NXN: variants seen among roughly 807,000 people sequenced by gnomAD.
NXN encodes nucleoredoxin.
NXN carries 16 observed loss-of-function variants against 48.6 expected under a neutral mutation model. That is an observed-to-expected ratio of 0.33 (90% CI 0.22 to 0.50). NXN has a LOEUF of 0.50. Ranked by LOEUF, NXN falls within the 20% of genes least tolerant of loss-of-function variation. The pLI is 0.98. For missense variants in NXN, 492 were observed against 605.5 expected (o/e 0.81, Z 1.97); for synonymous variants, 281 against 269.6 (o/e 1.04, Z -0.41).
At chr17:818,349 G>A (rs1374942821) in intron 5 of NXN, among the ~76,000 whole-genome samples, 1 of 151,902 alleles carries the variant, frequency 6.6e-6, no homozygotes, top group African/African-American at 2.4e-5. Context: ...TTTTCTCACC[G>A]AGAAGGTGAT....
intron 1 of NXN, among the ~76,000 whole-genome samples, chr17:867,703 A>G (rs920197829): frequency 4.6e-5 from 7 of 152,108 alleles, no homozygotes; most frequent in African/African-American, 1.7e-4. Flanking sequence ...AGGCAGGTGG[A>G]ACACCTGAGG....
At chr17:951,174 T>A (rs1346425959) in intron 1 of NXN, among the ~76,000 whole-genome samples, 2 of 67,516 alleles carry the variant, frequency 3.0e-5, no homozygotes, top group Non-Finnish European at 5.3e-5. Flanking sequence ...CTGTCTCTAC[T>A]TAAAAAAAAA....
chr17:916,123 TG>T (rs1156847917), intron 1 of NXN, among the ~76,000 whole-genome samples: 1 of 152,244 alleles, frequency 6.6e-6, no homozygotes, highest in East Asian at 1.9e-4. Flanking sequence ...GTATTTGAAT[TG>T]CTTCCAAGGA....
At chr17:872,812 G>C (rs1359219604) in intron 1 of NXN, among the ~76,000 whole-genome samples, 1 of 151,804 alleles carries the variant, frequency 6.6e-6, no homozygotes, top group Admixed American at 6.6e-5. Flanking sequence ...GTAGAGACGG[G>C]TTTTTGCCAT....
rs756828096 is a variant in NXN at position 805,231 on chromosome 17, G to C, written c.837C>G (p.Ile279Met). ...TCACCTCGCCCTGCGGGTCCAGCAT[G>C]ATGAGCGTGGGGATGCCTGCAGGGA... The part of the protein sequence containing the change: ...LYGIQGIPTL[I>M]MLDPQGEVIT... Residue 279 changes from isoleucine (I) to methionine (M), a missense_variant, in exon 6 of 8, where the codon ATC (isoleucine) becomes ATG (methionine). Coordinates refer to ENST00000336868, the MANE Select transcript of NXN (RefSeq NM_022463.5). The C allele has an allele frequency of 3.1e-6, 5 of 1,611,238 alleles. No homozygotes were observed. Among genetic ancestry groups the C allele is most frequent in the Non-Finnish European group, 3.4e-6 (4 of 1,179,260 alleles).
At chr17:906,395 A>G (rs972364962) in intron 1 of NXN, among the ~76,000 whole-genome samples, 8 of 152,240 alleles carry the variant, frequency 5.3e-5, no homozygotes, top group South Asian at 2.1e-4. Flanking sequence ...TGTAGTTCCC[A>G]CCTGCCCGTT....
At chr17:851,784 G>A (rs914165147) in intron 1 of NXN, among the ~76,000 whole-genome samples, 2 of 152,322 alleles carry the variant, frequency 1.3e-5, no homozygotes, top group African/African-American at 2.4e-5. Context: ...AGCACCACTC[G>A]CCATAAATAG....
intron 5 of NXN, among the ~76,000 whole-genome samples, chr17:812,621 GGTGAGTGTAGGTGTGTGTGA>G: frequency 6.7e-6 from 1 of 149,144 alleles, no homozygotes; most frequent in Middle Eastern, 3.4e-3. Context: ...TGTGAGTGTA[GGTGAGTGTAGGTGTGTGTGA>G]GTGTGCATGT....
intron 1 of NXN, among the ~76,000 whole-genome samples, chr17:926,639 G>A (rs995791812): frequency 5.3e-5 from 8 of 150,934 alleles, no homozygotes; most frequent in South Asian, 4.2e-4. Context: ...TCTGCTTCCC[G>A]GGCTAAAACC....
intron 1 of NXN, among the ~76,000 whole-genome samples, chr17:897,686 C>CTT (rs34600233): frequency 6.6e-6 from 1 of 151,658 alleles, no homozygotes; most frequent in Non-Finnish European, 1.5e-5. Flanking sequence ...TTCTTTTATT[C>CTT]TTTTTTCGAG....
chr17:822,776 A>G (rs118059078), intron 3 of NXN, among the ~76,000 whole-genome samples: 5,140 of 152,282 alleles, frequency 0.034, 124 homozygotes, highest in Non-Finnish European at 0.053. Context: ...GTGTGTGAGC[A>G]GGTAGCATGA....
intron 1 of NXN, among the ~76,000 whole-genome samples, chr17:957,006 C>A (rs2069178288): frequency 6.6e-6 from 1 of 152,146 alleles, no homozygotes; most frequent in Non-Finnish European, 1.5e-5. Context: ...GCCTTATCTC[C>A]CCAGCTTAAT....
At position 830,739 on chromosome 17, in the gene NXN, G is replaced by A. The variant is rs867583645; in HGVS notation, c.361-4661C>T. On this transcript the variant is annotated intron_variant, in intron 1 of 7. Coordinates refer to ENST00000336868, the MANE Select transcript of NXN (RefSeq NM_022463.5). This position sits in a 1 kb window ranked among gnomAD's most constrained non-coding sequence, Gnocchi z 4.2. Reference sequence around the variant, plus strand: ...TTTGGGGCCGGGCACGATGGCTCACGCCTGTAATCCCAGCAGTTTGGGAGG... The same window carrying A: ...TTTGGGGCCGGGCACGATGGCTCACACCTGTAATCCCAGCAGTTTGGGAGG... 5.9e-5 allele frequency among the ~76,000 whole-genome samples: 9 copies of A among 152,158 alleles called. No individual in the cohort carries two copies. Among genetic ancestry groups the A allele is most frequent in the Admixed American group, 5.2e-4 (8 of 15,270 alleles).
intron 5 of NXN, among the ~76,000 whole-genome samples, chr17:810,126 T>C (rs1202007835): frequency 2.4e-5 from 2 of 82,132 alleles, no homozygotes; most frequent in East Asian, 8.0e-4. Context: ...TCCGTGTGAG[T>C]GGCGTGCACG....
At chr17:806,557 C>T (rs12950366) in intron 5 of NXN, among the ~76,000 whole-genome samples, 19,262 of 151,986 alleles carry the variant, frequency 0.13, 1,674 homozygotes, top group African/African-American at 0.25. Context: ...TGTCTCTCCA[C>T]TGGCAGCCGC....
At chr17:820,058 T>C (rs1425285940) in intron 4 of NXN, among the ~76,000 whole-genome samples, 2 of 152,134 alleles carry the variant, frequency 1.3e-5, no homozygotes, top group Non-Finnish European at 2.9e-5. Context: ...GACAGACCCA[T>C]GTGGGGCTGG....
At chr17:805,736 G>A (rs1272507627) in intron 5 of NXN, among the ~76,000 whole-genome samples, 1 of 152,166 alleles carries the variant, frequency 6.6e-6, no homozygotes, top group East Asian at 1.9e-4. Flanking sequence ...TACTCGGGAG[G>A]CTGAGGCAGG....
intron 1 of NXN, chr17:864,072 C>T (rs1220869101): frequency 1.4e-6 from 2 of 1,477,556 alleles, no homozygotes; most frequent in Admixed American, 4.3e-5. Context: ...GGTGAAGGGG[C>T]ACAGTTACCG....
intron 5 of NXN, among the ~76,000 whole-genome samples, chr17:814,591 A>G (rs1222396975): frequency 6.6e-6 from 1 of 152,218 alleles, no homozygotes; most frequent in Admixed American, 6.5e-5. Flanking sequence ...GTGTTCGTGA[A>G]GACGTCATCA....
Sources: allele counts gnomAD v4.1 joint callset (sites outside exome capture counted in the v4.1 genomes callset), GRCh38; gene constraint gnomAD v4.1.1; non-coding constraint Gnocchi (gnomAD v3.1); transcripts MANE v1.5; gene names NCBI Gene and HGNC (gene_info 2026-07-23, HGNC 2026-07-21).